Variants in TRPV6 observed in about 807,000 individuals in gnomAD.
TRPV6 encodes the protein Alu-binding protein with zinc finger domain.
In TRPV6, 39 loss-of-function variants were observed where a neutral mutation model predicts 79.0. That is an observed-to-expected ratio of 0.49 (90% CI 0.38 to 0.64). The LOEUF is 0.64. TRPV6 is among the 30% of genes least tolerant of loss of function. The pLI is 0.00. For missense variants in TRPV6, 813 were observed against 1,011.1 expected (o/e 0.80, Z 2.66); for synonymous variants, 373 against 391.9 (o/e 0.95, Z 0.57).
At chr7:142,884,261 A>C (rs1271767253) in intron 1 of TRPV6, 1 of 152,344 alleles carries the variant, frequency 6.6e-6, no homozygotes, top group African/African-American at 2.4e-5. Context: ...GCCATAATTC[A>C]CAGAAAGAGA....
At position 142,875,057 on chromosome 7, in the gene TRPV6, CAG is replaced by C; in HGVS notation, c.1329+19_1329+20del. The stretch of plus-strand genomic sequence containing the variant: ...GATTCCTCGGGCAGACAGCCTCACC[CAG>C]AGTCCATCCACACCTCACCTCTACC... On this transcript the variant is annotated intron_variant, in intron 9 of 14. Transcript: ENST00000359396. 1 of 1,614,166 alleles carries C rather than the reference CAG, an allele frequency of 6.2e-7. No homozygotes were observed. Among genetic ancestry groups the C allele is most frequent in the Non-Finnish European group, 8.5e-7 (1 of 1,180,028 alleles).
At position 142,871,519 on chromosome 7, in the gene TRPV6, C is replaced by T. The variant is rs944574247; in HGVS notation, c.*188G>A. 5.6e-5 allele frequency: 41 copies of T among 729,628 alleles called. No individual in the cohort carries two copies. The highest frequency in any genetic ancestry group is 8.4e-5 in the Non-Finnish European group (39 of 464,340). 45.2% of individuals were successfully genotyped at this position (729,628 alleles called of 1,614,324 possible). A position where few individuals can be genotyped will look rare whatever the true frequency, so the allele number is the denominator to read the frequency against. Reference sequence around the variant, plus strand: ...CCGTGCTTGGGCTGGGCTTCCTCTGCCCCAGAGCTGAAGGAGTAATGCAGG... The same window carrying T: ...CCGTGCTTGGGCTGGGCTTCCTCTGTCCCAGAGCTGAAGGAGTAATGCAGG... On this transcript the variant is annotated 3_prime_UTR_variant, in exon 15 of 15. Coordinates refer to ENST00000359396, the MANE Select transcript of TRPV6 (RefSeq NM_018646.6).
intron 1 of TRPV6, chr7:142,878,783 T>C (rs1795135613): frequency 6.6e-6 from 1 of 152,280 alleles, no homozygotes; most frequent in South Asian, 2.1e-4. Flanking sequence ...CTTCTTAAAG[T>C]GGACCCCTGG....
intron 1 of TRPV6, 173 bp downstream of exon 1, chr7:142,885,216 G>T: frequency 1.5e-6 from 1 of 655,594 alleles, no homozygotes. Context: ...TCTTTCACCA[G>T]CCCTACAGGC....
chr7:142,877,590 A>G (rs1795102928), intron 3 of TRPV6, 61 bp downstream of exon 3: 1 of 1,581,322 alleles, frequency 6.3e-7, no homozygotes. Flanking sequence ...CATCACAGAG[A>G]CTGACTTGAA....
chr7:142,879,691 T>G (rs117532237), intron 1 of TRPV6: 1 of 152,444 alleles, frequency 6.6e-6, no homozygotes, highest in East Asian at 1.9e-4. Context: ...TGGAAAGCTC[T>G]CTCTTCATTC....
At chr7:142,874,730 T>C in intron 10 of TRPV6, 74 bp from the exon 11 acceptor site, 1 of 1,575,738 alleles carries the variant, frequency 6.3e-7, no homozygotes, top group African/African-American at 1.3e-5. Context: ...AGAATGTAGC[T>C]GGGAAAGTAC....
chr7:142,877,857 G>A, intron 2 of TRPV6, 72 bp downstream of exon 2: 1 of 1,613,194 alleles, frequency 6.2e-7, no homozygotes, highest in South Asian at 1.1e-5. Flanking sequence ...ACAGCACGAG[G>A]TCCTGGGCAC....
intron 1 of TRPV6, chr7:142,883,713 G>C (rs1795238916): frequency 6.6e-6 from 1 of 152,152 alleles, no homozygotes; most frequent in African/African-American, 2.4e-5. Context: ...GCACAGATTA[G>C]GAAACTCCCC....
intron 1 of TRPV6, chr7:142,879,970 G>T (rs1383950799): frequency 2.6e-5 from 4 of 152,206 alleles, no homozygotes; most frequent in Non-Finnish European, 4.4e-5. Context: ...CCCGCCAATT[G>T]TTCATTGTGT....
In TRPV6 at chr7:142,878,292, T is replaced by C. The variant is rs539645566; in HGVS notation, c.249-266A>G. ...CCCCTACCGGGTCCTGGGACCAGAA[T>C]GTATCATGTGTGAATGTATTATCAG... On this transcript the variant is annotated intron_variant, in intron 1 of 14. Coordinates refer to ENST00000359396, the MANE Select transcript of TRPV6 (RefSeq NM_018646.6). 245 of 532,460 alleles carry C rather than the reference T, an allele frequency of 4.6e-4. 2 individuals are homozygous for C. The East Asian group carries it at 5.4e-3, about 12-fold the overall frequency. 33.0% of individuals were successfully genotyped at this position (532,460 alleles called of 1,614,324 possible). A position where few individuals can be genotyped will look rare whatever the true frequency, so the allele number is the denominator to read the frequency against.
In TRPV6 at chr7:142,873,374, T is replaced by C. The variant is rs4987672; in HGVS notation, c.1908+74A>G. The C allele has an allele frequency of 0.094, 147,817 of 1,576,410 alleles. 14,650 individuals carry two copies. The highest frequency in any genetic ancestry group is 0.52 in the African/African-American group (38,854 of 74,336). On this transcript the variant is annotated intron_variant, in intron 13 of 14. Coordinates refer to ENST00000359396, the MANE Select transcript of TRPV6 (RefSeq NM_018646.6). This position sits in a 1 kb window ranked among gnomAD's most constrained non-coding sequence, Gnocchi z 4.8. Reference sequence around the variant, plus strand: ...ACATAAGTGGGGTGGAGATATCCTGTCTCTCAGCTTGGCAGGTTCCTTGGT... The same window carrying C: ...ACATAAGTGGGGTGGAGATATCCTGCCTCTCAGCTTGGCAGGTTCCTTGGT...
Position 142,885,438 on chromosome 7 carries a change from C to T in TRPV6, c.199G>A (p.Glu67Lys). Residue 67 changes from glutamate (E) to lysine (K), a missense_variant, in exon 1 of 15, where the codon GAG (glutamate) becomes AAG (lysine). Glu to Lys is a moderately conservative substitution (Grantham distance 56, BLOSUM62 1). Around this residue, in one of 3 missense-constraint regions of TRPV6, gnomAD observed 555 missense variants for 631.0 expected, o/e 0.88. Coordinates refer to ENST00000359396, the MANE Select transcript of TRPV6 (RefSeq NM_018646.6). ...TCATCTCGGCTCTGGGCCCAGGACT[C>T]CCGTCTCTGGAACCATCTGCAGAAC... 1.2e-6 allele frequency: 2 copies of T among 1,613,970 alleles called. No individual in the cohort carries two copies. Among genetic ancestry groups the T allele is most frequent in the Middle Eastern group, 1.7e-4 (1 of 6,056 alleles).
chr7:142,876,001 A>C, intron 6 of TRPV6, 97 bp from the exon 7 acceptor site: 1 of 1,378,672 alleles, frequency 7.3e-7, no homozygotes, highest in South Asian at 1.6e-5. Context: ...ACCCCTGGAG[A>C]AGGTGGCTGC....
chr7:142,872,985 G>T (rs1794975970), intron 13 of TRPV6, among the ~76,000 whole-genome samples: 1 of 152,058 alleles, frequency 6.6e-6, no homozygotes, highest in Non-Finnish European at 1.5e-5. Flanking sequence ...TCATCTCATG[G>T]TCTTCTCTCC....
At chr7:142,882,726 G>C (rs1319938479) in intron 1 of TRPV6, 1 of 152,206 alleles carries the variant, frequency 6.6e-6, no homozygotes, top group East Asian at 1.9e-4. Flanking sequence ...GTAGGCATGT[G>C]TGTAAGTATT....
At chr7:142,877,611 A>G in intron 3 of TRPV6, 40 bp downstream of exon 3, 1 of 1,598,878 alleles carries the variant, frequency 6.3e-7, no homozygotes, top group East Asian at 2.2e-5. Flanking sequence ...ATACCCAACC[A>G]GTCACTCCTG....
At position 142,874,957 on chromosome 7, in the gene TRPV6, C is replaced by A. The variant is rs1252756349; in HGVS notation, c.1353G>T (p.Gly451=). Residue 451 remains glycine (G), a synonymous_variant, in exon 10 of 15, where the codon GGG becomes GGT. Transcript: ENST00000359396. ...TGGTCTGTCCAAAGAAGCGAGTGAC[C>A]CCCATTCTGAAGATGTCTGGAACCT... The A allele has an allele frequency of 4.3e-6, 7 of 1,613,914 alleles. No individual in the cohort carries two copies. Among genetic ancestry groups the A allele is most frequent in the African/African-American group, 1.3e-5 (1 of 74,874 alleles).
At chr7:142,877,109 C>G (rs1795090982) in intron 4 of TRPV6, 33 bp downstream of exon 4, 3 of 1,599,174 alleles carry the variant, frequency 1.9e-6, no homozygotes, top group Admixed American at 3.4e-5. Flanking sequence ...ACCTTTCCAA[C>G]TGCCCGTCCT....
Sources: allele counts gnomAD v4.1 joint callset (sites outside exome capture counted in the v4.1 genomes callset), GRCh38; gene constraint gnomAD v4.1.1; regional missense constraint gnomAD v4.1.1; non-coding constraint Gnocchi (gnomAD v3.1); transcripts MANE v1.5; gene names NCBI Gene and HGNC (gene_info 2026-07-23, HGNC 2026-07-21).